The following KCNIP4 variants were observed in gnomAD, a reference collection of about 807,000 sequenced individuals.
KCNIP4 encodes potassium voltage-gated channel interacting protein 4, also known as Kv channel-interacting protein 4.
In KCNIP4, 12 loss-of-function variants were observed where a neutral mutation model predicts 34.0. That is an observed-to-expected ratio of 0.35 (90% CI 0.23 to 0.57). The LOEUF is 0.57. KCNIP4 is among the 20% of genes least tolerant of loss of function. KCNIP4 has a pLI of 0.83. For missense variants in KCNIP4, 238 were observed against 311.7 expected (o/e 0.76, Z 1.78); for synonymous variants, 124 against 102.2 (o/e 1.21, Z -1.29).
intron 1 of KCNIP4, among the ~76,000 whole-genome samples, chr4:21,128,106 A>G (rs1750765871): frequency 6.6e-6 from 1 of 152,234 alleles, no homozygotes; most frequent in African/African-American, 2.4e-5. Context: ...CTGGAGAATT[A>G]CAATAAATCA....
intron 1 of KCNIP4, among the ~76,000 whole-genome samples, chr4:21,049,201 C>T (rs982505723): frequency 6.6e-6 from 1 of 151,988 alleles, no homozygotes; most frequent in Non-Finnish European, 1.5e-5. Context: ...CCGCCCGCCT[C>T]GGCCTCCCAA....
At chr4:21,745,850 T>C (rs750582715) in intron 1 of KCNIP4, among the ~76,000 whole-genome samples, 2 of 152,148 alleles carry the variant, frequency 1.3e-5, no homozygotes, top group Non-Finnish European at 2.9e-5. Flanking sequence ...CAAGAGCATG[T>C]ATAGATTACT....
intron 1 of KCNIP4, among the ~76,000 whole-genome samples, chr4:21,197,318 T>C (rs1756128207): frequency 1.3e-5 from 2 of 152,218 alleles, no homozygotes. Flanking sequence ...TGTTTAACTT[T>C]AGTAGACATC....
chr4:21,194,504 C>G (rs1052018134), intron 1 of KCNIP4, among the ~76,000 whole-genome samples: 1 of 152,162 alleles, frequency 6.6e-6, no homozygotes, highest in Non-Finnish European at 1.5e-5. Flanking sequence ...TCCTAATGGT[C>G]TCAGTAAAAA....
At chr4:21,793,197 A>T (rs1194014435) in intron 1 of KCNIP4, among the ~76,000 whole-genome samples, 4 of 152,258 alleles carry the variant, frequency 2.6e-5, no homozygotes, top group Admixed American at 2.0e-4. Context: ...AGATAGTATC[A>T]GTTCTTCAGG....
intron 1 of KCNIP4, among the ~76,000 whole-genome samples, chr4:20,934,890 G>A (rs544651559): frequency 6.6e-6 from 1 of 152,276 alleles, no homozygotes; most frequent in East Asian, 1.9e-4. Flanking sequence ...CAAGGTGTCA[G>A]CAGGGACGTA....
In KCNIP4 at chr4:20,962,613, G is replaced by T. The variant is rs1028589862; in HGVS notation, c.62-79904C>A. Among the ~76,000 whole-genome samples, 7 of 152,198 alleles carry T rather than the reference G, an allele frequency of 4.6e-5. No homozygotes were observed. The East Asian group carries it at 1.2e-3, about 25-fold the overall frequency. Reference sequence around the variant, plus strand: ...GGAAGCATTAAAACCAACAAGCCAGGTTTGTCTATCCCATTTACTTCAAAA... The same window carrying T: ...GGAAGCATTAAAACCAACAAGCCAGTTTTGTCTATCCCATTTACTTCAAAA... On this transcript the variant is annotated intron_variant, in intron 1 of 8. Coordinates refer to ENST00000382152, the MANE Select transcript of KCNIP4 (RefSeq NM_025221.6).
chr4:20,989,662 A>G (rs1305839193), intron 1 of KCNIP4, among the ~76,000 whole-genome samples: 1 of 152,114 alleles, frequency 6.6e-6, no homozygotes, highest in Non-Finnish European at 1.5e-5. Flanking sequence ...CAGGAACATA[A>G]ATGGGCACAC....
At chr4:20,962,816 T>C (rs1240707760) in intron 1 of KCNIP4, among the ~76,000 whole-genome samples, 1 of 152,210 alleles carries the variant, frequency 6.6e-6, no homozygotes, top group Admixed American at 6.5e-5. Context: ...TTACGACATT[T>C]AAATTGTGAA....
chr4:21,083,071 G>A (rs1414064057), intron 1 of KCNIP4, among the ~76,000 whole-genome samples: 1 of 151,762 alleles, frequency 6.6e-6, no homozygotes, highest in African/African-American at 2.4e-5. Flanking sequence ...GGTTTCAAAG[G>A]CTGCAGTCTT....
intron 1 of KCNIP4, among the ~76,000 whole-genome samples, chr4:20,964,038 G>A (rs959121422): frequency 4.6e-5 from 7 of 152,114 alleles, no homozygotes; most frequent in Non-Finnish European, 2.9e-5. Context: ...AAAAATTGCT[G>A]AATATCAATG....
chr4:21,306,055 A>G (rs1345439902), intron 1 of KCNIP4, among the ~76,000 whole-genome samples: 2 of 152,196 alleles, frequency 1.3e-5, no homozygotes, highest in Non-Finnish European at 2.9e-5. Flanking sequence ...GCTGGATAAT[A>G]AAAGTCATCA....
intron 3 of KCNIP4, among the ~76,000 whole-genome samples, chr4:20,810,791 CT>C (rs1052732389): frequency 6.6e-6 from 1 of 151,986 alleles, no homozygotes; most frequent in Non-Finnish European, 1.5e-5. Flanking sequence ...ATGATAAATA[CT>C]TTTTTTTAAC....
intron 1 of KCNIP4, among the ~76,000 whole-genome samples, chr4:21,144,851 C>T (rs576966695): frequency 4.9e-4 from 75 of 152,086 alleles, no homozygotes; most frequent in Non-Finnish European, 9.8e-4. Flanking sequence ...TAGCCTCTTC[C>T]TCTTTCTGTT....
At chr4:21,756,552 CAAA>C (rs71191600) in intron 1 of KCNIP4, among the ~76,000 whole-genome samples, 13,808 of 124,866 alleles carry the variant, frequency 0.11, 666 homozygotes, top group Middle Eastern at 0.23. Flanking sequence ...GACTCTGTCT[CAAA>C]AAAAAAAAAA....
intron 1 of KCNIP4, among the ~76,000 whole-genome samples, chr4:21,065,895 A>C (rs1179172583): frequency 2.0e-5 from 3 of 151,724 alleles, no homozygotes; most frequent in Non-Finnish European, 4.4e-5. Flanking sequence ...CAGAAGAATA[A>C]TGATTTATTT....
chr4:21,195,516 C>T (rs144064002), intron 1 of KCNIP4, among the ~76,000 whole-genome samples: 3 of 152,212 alleles, frequency 2.0e-5, no homozygotes, highest in Non-Finnish European at 2.9e-5. Context: ...ATGCACTGTG[C>T]ATTAATTTTA....
intron 3 of KCNIP4, among the ~76,000 whole-genome samples, chr4:20,824,126 ATTACCGTACAGTTATGCACT>A (rs1451742111): frequency 6.6e-6 from 1 of 152,140 alleles, no homozygotes; most frequent in Non-Finnish European, 1.5e-5. Context: ...GTTGCTGAAT[ATTACCGTACAGTTATGCACT>A]TTATGTGATG....
intron 1 of KCNIP4, among the ~76,000 whole-genome samples, chr4:21,549,816 T>A (rs530349171): frequency 1.3e-5 from 2 of 151,996 alleles, no homozygotes; most frequent in Admixed American, 6.6e-5. Flanking sequence ...TTTGGGACAA[T>A]TGGATTCCAG....
Sources: allele counts gnomAD v4.1 joint callset (sites outside exome capture counted in the v4.1 genomes callset), GRCh38; gene constraint gnomAD v4.1.1; transcripts MANE v1.5; gene names NCBI Gene and HGNC (gene_info 2026-07-23, HGNC 2026-07-21).